The following KCNQ3 variants were observed in gnomAD, a reference collection of about 807,000 sequenced individuals.
The protein encoded by KCNQ3 is potassium voltage-gated channel subfamily KQT member 3.
A neutral mutation model predicts 92.5 loss-of-function variants in KCNQ3; 30 were observed. The ratio of observed to expected loss-of-function variants is 0.32; its 90% CI spans 0.24 to 0.44. The LOEUF (loss-of-function observed/expected upper bound fraction) is 0.44. Ranked by LOEUF, KCNQ3 falls within the 20% of genes least tolerant of loss-of-function variation. The pLI, the probability that KCNQ3 is intolerant of heterozygous loss-of-function variation, is 1.00. For missense variants in KCNQ3, 913 were observed against 1,140.3 expected (o/e 0.80, Z 2.87); for synonymous variants, 450 against 468.8 (o/e 0.96, Z 0.52).
At chr8:132,143,203 TC>T (rs1457949600) in intron 9 of KCNQ3, among the ~76,000 whole-genome samples, 1 of 152,048 alleles carries the variant, frequency 6.6e-6, no homozygotes, top group African/African-American at 2.4e-5. Flanking sequence ...ACGCCAATGC[TC>T]AGCCAGCTCC....
At position 132,329,411 on chromosome 8, in the gene KCNQ3, G is replaced by A. The variant is rs145361397; in HGVS notation, c.387-143230C>T. ...TTGCAGCTCCAACCAAGTCCTGGAC[G>A]GATTTCTAATTCTGTATATATAGCA... On this transcript the variant is annotated intron_variant, in intron 1 of 14. Coordinates refer to ENST00000388996, the MANE Select transcript of KCNQ3 (RefSeq NM_004519.4). Among the ~76,000 whole-genome samples the A allele has an allele frequency of 6.1e-3, 929 of 152,290 alleles. 9 individuals carry two copies. The highest frequency in any genetic ancestry group is 0.021 in the African/African-American group (883 of 41,544).
chr8:132,180,839 A>AAAAAAAAAAAACC (rs1554628317), intron 3 of KCNQ3, among the ~76,000 whole-genome samples: 3 of 150,280 alleles, frequency 2.0e-5, no homozygotes, highest in African/African-American at 7.3e-5. Context: ...GAATGTTAAA[A>AAAAAAAAAAAACC]AAAAAAAAAA....
At chr8:132,372,613 C>A (rs913106074) in intron 1 of KCNQ3, among the ~76,000 whole-genome samples, 1 of 151,826 alleles carries the variant, frequency 6.6e-6, no homozygotes, top group Non-Finnish European at 1.5e-5. Flanking sequence ...AAAAGTTAGC[C>A]GGGAGTGGTG....
intron 1 of KCNQ3, among the ~76,000 whole-genome samples, chr8:132,330,745 A>G (rs1232989947): frequency 6.6e-6 from 1 of 152,210 alleles, no homozygotes; most frequent in Non-Finnish European, 1.5e-5. Context: ...TAAGGCTTAT[A>G]TAAGATGATG....
intron 1 of KCNQ3, among the ~76,000 whole-genome samples, chr8:132,217,710 C>CAAAAAAAAAAA (rs1170925572): frequency 1.5e-5 from 1 of 66,408 alleles, no homozygotes; most frequent in African/African-American, 5.9e-5. Context: ...GGCTCTGTCT[C>CAAAAAAAAAAA]AAAAAAAAAA....
chr8:132,147,597 GA>G (rs1825492791), intron 9 of KCNQ3, among the ~76,000 whole-genome samples: 1 of 152,164 alleles, frequency 6.6e-6, no homozygotes, highest in South Asian at 2.1e-4. Flanking sequence ...GGATGATAGA[GA>G]GATGAATGGA....
intron 1 of KCNQ3, among the ~76,000 whole-genome samples, chr8:132,470,953 T>C (rs918589524): frequency 1.3e-5 from 2 of 152,228 alleles, no homozygotes; most frequent in Non-Finnish European, 2.9e-5. Flanking sequence ...AGGTATGTTG[T>C]ACATTTCCAC....
At chr8:132,138,062 C>CG (rs1563767220) in intron 11 of KCNQ3, 46 bp from the exon 12 acceptor site, 1 of 1,596,338 alleles carries the variant, frequency 6.3e-7, no homozygotes, top group Admixed American at 1.7e-5. Context: ...GTGGAGAGTG[C>CG]GGGGAGCTAT....
intron 1 of KCNQ3, among the ~76,000 whole-genome samples, chr8:132,459,522 A>T (rs1822015438): frequency 6.6e-6 from 1 of 152,130 alleles, no homozygotes; most frequent in Non-Finnish European, 1.5e-5. Flanking sequence ...ACTAATAAGA[A>T]TGAGAACTCA....
At chr8:132,225,061 C>T (rs919124065) in intron 1 of KCNQ3, among the ~76,000 whole-genome samples, 1 of 152,206 alleles carries the variant, frequency 6.6e-6, no homozygotes, top group Non-Finnish European at 1.5e-5. Flanking sequence ...AATAGACCCA[C>T]CAGTTTGTCC....
chr8:132,443,860 C>T (rs1821602960), intron 1 of KCNQ3, among the ~76,000 whole-genome samples: 1 of 152,112 alleles, frequency 6.6e-6, no homozygotes, highest in Non-Finnish European at 1.5e-5. Flanking sequence ...TCTTTACCCC[C>T]CCATTTGTCT....
At chr8:132,283,134 T>G (rs139730222) in intron 1 of KCNQ3, among the ~76,000 whole-genome samples, 2,203 of 142,934 alleles carry the variant, frequency 0.015, 22 homozygotes, top group Middle Eastern at 0.024. Flanking sequence ...GTGGAAGATA[T>G]CTATAGAAAT....
At chr8:132,316,747 G>T (rs1817754046) in intron 1 of KCNQ3, among the ~76,000 whole-genome samples, 1 of 152,146 alleles carries the variant, frequency 6.6e-6, no homozygotes, top group Non-Finnish European at 1.5e-5. Context: ...TTAACAATTG[G>T]CAGTTCTACG....
chr8:132,181,456 A>G (rs1469086692), intron 3 of KCNQ3, among the ~76,000 whole-genome samples: 1 of 152,196 alleles, frequency 6.6e-6, no homozygotes, highest in Non-Finnish European at 1.5e-5. Context: ...GGCTTCTCAG[A>G]GTCTTTAATC....
intron 1 of KCNQ3, among the ~76,000 whole-genome samples, chr8:132,451,141 C>G (rs1284643544): frequency 6.6e-6 from 1 of 152,164 alleles, no homozygotes; most frequent in African/African-American, 2.4e-5. Context: ...TGTGCTTTCT[C>G]ATGATAGTGA....
intron 6 of KCNQ3, 102 bp downstream of exon 6, chr8:132,174,137 G>A: frequency 1.2e-6 from 1 of 825,556 alleles, no homozygotes; most frequent in Non-Finnish European, 2.1e-6. Flanking sequence ...GAGTTGGTAG[G>A]GTATAAGAGG....
intron 1 of KCNQ3, among the ~76,000 whole-genome samples, chr8:132,465,073 C>T (rs1004562732): frequency 6.6e-6 from 1 of 152,196 alleles, no homozygotes; most frequent in Non-Finnish European, 1.5e-5. Context: ...CGTTTCCTTT[C>T]GTGTTCCAGA....
At chr8:132,219,661 A>T (rs1261136982) in intron 1 of KCNQ3, among the ~76,000 whole-genome samples, 2 of 152,092 alleles carry the variant, frequency 1.3e-5, no homozygotes, top group African/African-American at 4.8e-5. Flanking sequence ...ATCACTTTGA[A>T]CTATTTAAAT....
chr8:132,248,411 C>T (rs1815263909), intron 1 of KCNQ3, among the ~76,000 whole-genome samples: 1 of 151,210 alleles, frequency 6.6e-6, no homozygotes, highest in Non-Finnish European at 1.5e-5. Flanking sequence ...CATAAATATC[C>T]TATTAAAGTT....
Sources: allele counts gnomAD v4.1 joint callset (sites outside exome capture counted in the v4.1 genomes callset), GRCh38; gene constraint gnomAD v4.1.1; transcripts MANE v1.5; gene names NCBI Gene and HGNC (gene_info 2026-07-23, HGNC 2026-07-21).